The following MGAT5 variants were observed in gnomAD, a reference collection of about 807,000 sequenced individuals.
MGAT5 encodes the protein alpha-1,6-mannosylglycoprotein 6-beta-N-acetylglucosaminyltransferase, also known as alpha-1,6-mannosylglycoprotein 6-beta-N-acetylglucosaminyltransferase A.
MGAT5 carries 30 observed loss-of-function variants against 94.3 expected under a neutral mutation model. The observed-to-expected ratio is 0.32, with a 90% CI of 0.24 to 0.43. The LOEUF (loss-of-function observed/expected upper bound fraction) is 0.43, where lower values mean the gene tolerates loss of function less well. Ranked by LOEUF, MGAT5 falls within the 20% of genes least tolerant of loss-of-function variation. The probability of loss-of-function intolerance (pLI) is 1.00; values close to 1 mark genes in which losing one functional copy is unlikely to be tolerated. For missense variants in MGAT5, 691 were observed against 905.5 expected, an observed-to-expected ratio of 0.76 and a Z score of 3.04; for synonymous variants, 310 against 322.9, an observed-to-expected ratio of 0.96 and a Z score of 0.43.
At chr2:134,358,130 A>G (rs933726010) in intron 9 of MGAT5, among the ~76,000 whole-genome samples, 3 of 151,868 alleles carry the variant, frequency 2.0e-5, no homozygotes, top group Non-Finnish European at 2.9e-5. Flanking sequence ...AGATTCTACA[A>G]TTAACCATTT....
At chr2:134,411,611 A>G (rs1275873346) in intron 11 of MGAT5, among the ~76,000 whole-genome samples, 1 of 152,226 alleles carries the variant, frequency 6.6e-6, no homozygotes, top group Admixed American at 6.5e-5. Flanking sequence ...TATGTCACCC[A>G]TGGGCTGTGC....
At chr2:134,418,024 C>A (rs1325762005) in intron 12 of MGAT5, among the ~76,000 whole-genome samples, 1 of 151,926 alleles carries the variant, frequency 6.6e-6, no homozygotes, top group East Asian at 1.9e-4. Flanking sequence ...TGGCAACTGA[C>A]ACACTTTTGT....
intron 1 of MGAT5, among the ~76,000 whole-genome samples, chr2:134,259,123 G>A (rs1383850440): frequency 6.6e-6 from 1 of 152,240 alleles, no homozygotes; most frequent in Non-Finnish European, 1.5e-5. Context: ...CAGTGCGTTT[G>A]TTCTTGGAGT....
chr2:134,133,944 T>A (rs1686291943), intron 1 of MGAT5, among the ~76,000 whole-genome samples: 1 of 152,148 alleles, frequency 6.6e-6, no homozygotes, highest in Admixed American at 6.5e-5. Flanking sequence ...GACCTTATGA[T>A]ACTACTGTCA....
chr2:134,205,570 T>G (rs972382059), intron 1 of MGAT5, among the ~76,000 whole-genome samples: 3 of 152,220 alleles, frequency 2.0e-5, no homozygotes, highest in African/African-American at 7.2e-5. Context: ...AGCGGCTCTC[T>G]TTCGGGCCTG....
intron 2 of MGAT5, among the ~76,000 whole-genome samples, chr2:134,316,585 C>A (rs931694140): frequency 4.6e-5 from 7 of 152,060 alleles, no homozygotes; most frequent in African/African-American, 1.7e-4. Flanking sequence ...TTTAAATCGA[C>A]ATAATTACAC....
intron 15 of MGAT5, among the ~76,000 whole-genome samples, chr2:134,448,125 C>G (rs1685895401): frequency 6.6e-6 from 1 of 152,240 alleles, no homozygotes; most frequent in Non-Finnish European, 1.5e-5. Flanking sequence ...TTGCCCCACT[C>G]TCACTTCTTG....
intron 8 of MGAT5, 77 bp from the exon 9 acceptor site, chr2:134,349,728 A>T: frequency 6.6e-7 from 1 of 1,521,944 alleles, no homozygotes; most frequent in Non-Finnish European, 8.9e-7. Context: ...GTAGTCTTGA[A>T]GGAAGGGTTA....
At chr2:134,246,838 G>T (rs1355253418) in intron 1 of MGAT5, among the ~76,000 whole-genome samples, 1 of 152,148 alleles carries the variant, frequency 6.6e-6, no homozygotes, top group East Asian at 1.9e-4. Flanking sequence ...GTAAATTGAG[G>T]GTTTGCATTT....
At chr2:134,404,450 A>T (rs1683226485) in intron 11 of MGAT5, among the ~76,000 whole-genome samples, 1 of 152,194 alleles carries the variant, frequency 6.6e-6, no homozygotes, top group African/African-American at 2.4e-5. Context: ...AACATGAGGA[A>T]ATAGGCTACA....
chr2:134,250,837 T>G (rs149069614), upstream of MGAT5, among the ~76,000 whole-genome samples: 242 of 152,310 alleles, frequency 1.6e-3, 1 homozygote, highest in African/African-American at 5.7e-3. Context: ...AGGCTGAGAT[T>G]TTTTGGCCAT....
At position 134,268,886 on chromosome 2, in the gene MGAT5, G is replaced by A. The variant is rs148209178; in HGVS notation, c.242-1500G>A. 1.3e-3 allele frequency among the ~76,000 whole-genome samples: 196 copies of A among 152,254 alleles called. No individual in the cohort carries two copies. The highest frequency in any genetic ancestry group is 4.3e-3 in the African/African-American group (177 of 41,534). ...TCAGGCCCTTAACCACTGTGTTATG[G>A]ATGAAAGACTCTGAACTTCACCCTT... On this transcript the variant is annotated intron_variant, in intron 1 of 15. Coordinates refer to ENST00000281923, the MANE Select transcript of MGAT5 (RefSeq NM_002410.5). The surrounding 1 kb of genome is among the most constrained non-coding windows in gnomAD (Gnocchi z 4.1).
chr2:134,411,650 G>C (rs941962900), intron 11 of MGAT5, among the ~76,000 whole-genome samples: 1 of 152,188 alleles, frequency 6.6e-6, no homozygotes, highest in Non-Finnish European at 1.5e-5. Context: ...ATGCAGCCCG[G>C]CAGCTTGGGC....
chr2:134,226,966 CTA>C (rs781429402), intron 1 of MGAT5, among the ~76,000 whole-genome samples: 2 of 110,590 alleles, frequency 1.8e-5, no homozygotes, highest in South Asian at 2.5e-4. Flanking sequence ...CCAGATAGTC[CTA>C]TTTTTTTTTT....
intron 1 of MGAT5, among the ~76,000 whole-genome samples, chr2:134,230,041 T>C (rs980149410): frequency 6.6e-6 from 1 of 152,098 alleles, no homozygotes; most frequent in African/African-American, 2.4e-5. Flanking sequence ...AAGTGAAGGA[T>C]AGGGAGAGAT....
At chr2:134,173,728 G>A (rs1377624215) in intron 1 of MGAT5, among the ~76,000 whole-genome samples, 1 of 152,196 alleles carries the variant, frequency 6.6e-6, no homozygotes, top group Non-Finnish European at 1.5e-5. Flanking sequence ...CGTCGGCTTG[G>A]GCTGTTGTCA....
intron 2 of MGAT5, among the ~76,000 whole-genome samples, chr2:134,278,559 G>A (rs1051935162): frequency 6.6e-6 from 1 of 152,198 alleles, no homozygotes; most frequent in Non-Finnish European, 1.5e-5. Context: ...GATTTCAGAT[G>A]AGCAGATAAA....
chr2:134,440,681 A>G (rs919102419), intron 14 of MGAT5, among the ~76,000 whole-genome samples: 2 of 152,220 alleles, frequency 1.3e-5, no homozygotes, highest in Admixed American at 1.3e-4. Flanking sequence ...AATCATACAC[A>G]TGCAAGAAAT....
chr2:134,360,368 G>A (rs1680006618), intron 9 of MGAT5, among the ~76,000 whole-genome samples: 1 of 151,942 alleles, frequency 6.6e-6, no homozygotes, highest in African/African-American at 2.4e-5. Flanking sequence ...TTTCATTTGG[G>A]GGGCTGAATC....
Sources: allele counts gnomAD v4.1 joint callset (sites outside exome capture counted in the v4.1 genomes callset), GRCh38; gene constraint gnomAD v4.1.1; non-coding constraint Gnocchi (gnomAD v3.1); transcripts MANE v1.5; gene names NCBI Gene and HGNC (gene_info 2026-07-23, HGNC 2026-07-21).